The following NIPBL variants were observed in gnomAD, a reference collection of about 807,000 sequenced individuals.
The protein encoded by NIPBL is NIPBL cohesin loading factor, also known as nipped-B-like protein.
A neutral mutation model predicts 321.8 loss-of-function variants in NIPBL; 19 were observed. The observed-to-expected ratio is 0.06, with a 90% CI of 0.04 to 0.09. The LOEUF (loss-of-function observed/expected upper bound fraction) is 0.09, where lower values mean the gene tolerates loss of function less well. NIPBL is among the 10% of genes least tolerant of loss of function. NIPBL has a pLI of 1.00. For synonymous variants in NIPBL, 1,106 were observed against 1,114.1 expected (o/e 0.99, Z 0.14); for missense variants, 2,210 against 3,327.0 (o/e 0.66, Z 8.26).
intron 1 of NIPBL, among the ~76,000 whole-genome samples, chr5:36,905,083 A>AGGTT (rs58066881): frequency 0.013 from 1,979 of 152,194 alleles, 18 homozygotes; most frequent in African/African-American, 0.015. Flanking sequence ...AAGCAAGTTG[A>AGGTT]GGTTGGTTGG....
intron 31 of NIPBL, among the ~76,000 whole-genome samples, chr5:37,026,894 T>A (rs112698431): frequency 6.7e-6 from 1 of 148,504 alleles, no homozygotes; most frequent in Non-Finnish European, 1.5e-5. Context: ...CTGGGCAATA[T>A]AATAGCAAGA....
intron 10 of NIPBL, 100 bp downstream of exon 10, chr5:36,986,401 T>A: frequency 1.3e-6 from 1 of 777,634 alleles, no homozygotes; most frequent in Non-Finnish European, 1.8e-6. Flanking sequence ...AGAAAGCTAC[T>A]ACATGAAAAT....
At chr5:36,878,868 C>T (rs1300443992) in intron 1 of NIPBL, among the ~76,000 whole-genome samples, 1 of 152,176 alleles carries the variant, frequency 6.6e-6, no homozygotes, top group East Asian at 1.9e-4. Flanking sequence ...TCCTGCTGAG[C>T]CCCAATCCCG....
intron 1 of NIPBL, among the ~76,000 whole-genome samples, chr5:36,899,173 A>G (rs547249567): frequency 2.8e-4 from 43 of 152,176 alleles, no homozygotes; most frequent in Non-Finnish European, 4.3e-4. Flanking sequence ...CCAGAAGCAA[A>G]TAGACTCAGT....
intron 25 of NIPBL, among the ~76,000 whole-genome samples, chr5:37,019,957 A>C (rs944890277): frequency 6.6e-6 from 1 of 152,202 alleles, no homozygotes; most frequent in African/African-American, 2.4e-5. Flanking sequence ...CTCTTCAGCC[A>C]AATACTGTAG....
At chr5:36,887,185 C>T (rs1745974953) in intron 1 of NIPBL, among the ~76,000 whole-genome samples, 3 of 152,078 alleles carry the variant, frequency 2.0e-5, no homozygotes. Context: ...TTAGTAAATG[C>T]TGTTTAATTC....
In NIPBL at chr5:37,007,460, A is replaced by G. The variant is rs1260002719; in HGVS notation, c.4225A>G (p.Thr1409Ala). The change falls in exon 18 of 47, where the codon ACA (threonine) becomes GCA (alanine). Residue 1409 changes from threonine (T) to alanine (A), a missense_variant. This residue lies in a region of NIPBL where 381 missense variants were observed against 642.3 expected (regional missense o/e 0.59). Coordinates refer to ENST00000282516, the MANE Select transcript of NIPBL (RefSeq NM_133433.4). ...GCTAGAGATACAACTTCTTACAGAC[A>G]CAACAATTCTTCAGGTAAGATTTTT... ...ELLEIQLLTD[T>A]TILQVSSMGI... The G allele has an allele frequency of 4.3e-6, 7 of 1,610,624 alleles. No individual in the cohort carries two copies. Among genetic ancestry groups the G allele is most frequent in the Non-Finnish European group, 5.1e-6 (6 of 1,177,740 alleles).
chr5:36,961,638 G>C, intron 5 of NIPBL, 55 bp downstream of exon 5: 1 of 1,054,624 alleles, frequency 9.5e-7, no homozygotes, highest in Non-Finnish European at 1.5e-6. Context: ...GAATATGCTG[G>C]TGAATATATG....
At chr5:37,027,890 A>T (rs1032020111) in intron 32 of NIPBL, among the ~76,000 whole-genome samples, 9 of 152,188 alleles carry the variant, frequency 5.9e-5, no homozygotes, top group South Asian at 2.1e-4. Flanking sequence ...AAGTGCTGGG[A>T]TTATAGGCAT....
intron 25 of NIPBL, 133 bp from the exon 26 acceptor site, chr5:37,020,326 T>G (rs965403403): frequency 1.2e-5 from 8 of 692,818 alleles, no homozygotes; most frequent in Non-Finnish European, 1.5e-5. Context: ...TAAAATCTGT[T>G]TTTATCACAT....
rs775241477 is a variant in NIPBL, at chr5:37,022,163, A to T, written c.5427+14A>T. On this transcript the variant is annotated intron_variant, in intron 28 of 46. Transcript: ENST00000282516. ...ATTCTAGCAAGGGTAAAGAGCAAAA[A>T]TGATTCTTTCTTTTCTACTCGAATT... 12 of 1,613,642 alleles carry T rather than the reference A, an allele frequency of 7.4e-6. No homozygotes were observed. The highest frequency in any genetic ancestry group is 3.3e-5 in the Admixed American group (2 of 59,998).
At chr5:36,880,851 C>T (rs978478966) in intron 1 of NIPBL, among the ~76,000 whole-genome samples, 6 of 152,012 alleles carry the variant, frequency 3.9e-5, no homozygotes, top group African/African-American at 9.7e-5. Context: ...AAGTGACCAG[C>T]TTTCCGTTTA....
chr5:36,962,534 G>A (rs1417605214), intron 6 of NIPBL, among the ~76,000 whole-genome samples: 1 of 152,044 alleles, frequency 6.6e-6, no homozygotes, highest in Non-Finnish European at 1.5e-5. Context: ...GTATATTTAG[G>A]TGTGAAATTA....
intron 34 of NIPBL, among the ~76,000 whole-genome samples, chr5:37,041,728 C>T (rs954176417): frequency 6.6e-6 from 1 of 151,734 alleles, no homozygotes; most frequent in South Asian, 2.1e-4. Context: ...CCACACCCGG[C>T]TAATTTTTGT....
intron 14 of NIPBL, among the ~76,000 whole-genome samples, chr5:37,002,177 A>G (rs1373594775): frequency 6.6e-6 from 1 of 152,192 alleles, no homozygotes; most frequent in African/African-American, 2.4e-5. Context: ...GCAGGAAAAA[A>G]AGTTGTAGAG....
At chr5:36,954,920 G>C (rs1024219111) in intron 2 of NIPBL, 3 of 153,486 alleles carry the variant, frequency 2.0e-5, no homozygotes, top group Non-Finnish European at 4.3e-5. Flanking sequence ...TATTAGAAGA[G>C]AATAAGTAGG....
intron 1 of NIPBL, among the ~76,000 whole-genome samples, chr5:36,905,768 A>T (rs1440167073): frequency 6.6e-6 from 1 of 151,726 alleles, no homozygotes; most frequent in Non-Finnish European, 1.5e-5. Context: ...TTTTGAGATG[A>T]AGTCTCACTC....
chr5:36,997,050 GAC>G (rs775866703), intron 11 of NIPBL: 6 of 152,134 alleles, frequency 3.9e-5, no homozygotes, highest in South Asian at 2.1e-4. Flanking sequence ...GAAATGTATT[GAC>G]ACACAGTATA....
At position 36,931,827 on chromosome 5, in the gene NIPBL, TTTC is replaced by T. The variant is rs778117364; in HGVS notation, c.-79-21784_-79-21782del. Among the ~76,000 whole-genome samples the T allele has an allele frequency of 7.3e-4, 111 of 152,080 alleles. 1 individual carries two copies. Among genetic ancestry groups the T allele is most frequent in the Admixed American group, 4.1e-3 (63 of 15,274 alleles). On this transcript the variant is annotated intron_variant, in intron 1 of 46. Coordinates refer to ENST00000282516, the MANE Select transcript of NIPBL (RefSeq NM_133433.4). ...TTATTTTTACTTTTATCTTTATTTT[TTTC>T]TTCTTCCTGTTTTTGATTTTGTTTA... is the stretch of plus-strand genomic sequence containing the variant.
Sources: gnomAD v4.1 joint callset for allele counts (sites outside exome capture counted in the v4.1 genomes callset) on GRCh38, gnomAD v4.1.1 for gene constraint, gnomAD v4.1.1 regional missense constraint, MANE v1.5 for transcripts, NCBI Gene and HGNC (gene_info 2026-07-23, HGNC 2026-07-21) for gene names.